The following ADAMTSL1 variants were observed in gnomAD, a reference collection of about 807,000 sequenced individuals.
ADAMTSL1 encodes the protein ADAMTS-like protein 1.
In ADAMTSL1, 126 loss-of-function variants were observed where a neutral mutation model predicts 201.8. The ratio of observed to expected loss-of-function variants is 0.62; its 90% confidence interval spans 0.54 to 0.72. The LOEUF (loss-of-function observed/expected upper bound fraction) is 0.72, where lower values mean the gene tolerates loss of function less well. Among genes scored for constraint, ADAMTSL1 ranks in the 30% least tolerant of loss-of-function variants. The probability of loss-of-function intolerance (pLI) is 0.00; values close to 1 mark genes in which losing one functional copy is unlikely to be tolerated. For synonymous variants in ADAMTSL1, 1,121 were observed against 903.4 expected, an observed-to-expected ratio of 1.24 and a Z score of -4.32; for missense variants, 2,679 against 2,277.8, an observed-to-expected ratio of 1.18 and a Z score of -3.59.
At chr9:18,427,929 C>T (rs1344521393) in intron 2 of ADAMTSL1, among the ~76,000 whole-genome samples, 2 of 152,218 alleles carry the variant, frequency 1.3e-5, no homozygotes, top group Non-Finnish European at 2.9e-5. Flanking sequence ...TAAAATGCCT[C>T]TTCCTTCTTC....
chr9:18,492,273 T>C (rs1477001646), intron 1 of ADAMTSL1, among the ~76,000 whole-genome samples: 1 of 152,148 alleles, frequency 6.6e-6, no homozygotes, highest in Non-Finnish European at 1.5e-5. Flanking sequence ...TAAGTCAATA[T>C]AGAAACTGAA....
chr9:18,184,474 TA>T (rs1248704837), intron 2 of ADAMTSL1, among the ~76,000 whole-genome samples: 5 of 152,216 alleles, frequency 3.3e-5, no homozygotes, highest in African/African-American at 9.6e-5. Context: ...GTTAAATACC[TA>T]AGAGGATATG....
chr9:18,783,901 C>T (rs1286853923), intron 19 of ADAMTSL1, among the ~76,000 whole-genome samples: 1 of 152,236 alleles, frequency 6.6e-6, no homozygotes, highest in African/African-American at 2.4e-5. Flanking sequence ...CACCATGCTA[C>T]TGCCAGAGCA....
At chr9:18,633,839 A>C (rs1306129565) in intron 5 of ADAMTSL1, among the ~76,000 whole-genome samples, 1 of 152,038 alleles carries the variant, frequency 6.6e-6, no homozygotes, top group Admixed American at 6.6e-5. Flanking sequence ...AGGAATTGGG[A>C]GCATATGATT....
intron 1 of ADAMTSL1, among the ~76,000 whole-genome samples, chr9:17,940,074 G>A (rs1409130550): frequency 6.6e-6 from 1 of 152,040 alleles, no homozygotes; most frequent in Non-Finnish European, 1.5e-5. Context: ...AGAATGTAGG[G>A]TATGGTAGGA....
At chr9:17,953,890 C>T (rs974336043) in intron 1 of ADAMTSL1, among the ~76,000 whole-genome samples, 3 of 152,154 alleles carry the variant, frequency 2.0e-5, no homozygotes, top group African/African-American at 7.2e-5. Context: ...CATGACTGGG[C>T]TCTCAGATGA....
chr9:18,559,574 A>G (rs2132270622), intron 3 of ADAMTSL1, among the ~76,000 whole-genome samples: 1 of 152,340 alleles, frequency 6.6e-6, no homozygotes, highest in East Asian at 1.9e-4. Context: ...TGGCGATAGC[A>G]TTGAATCTAT....
intron 2 of ADAMTSL1, among the ~76,000 whole-genome samples, chr9:18,169,139 A>T (rs1827771725): frequency 6.8e-6 from 1 of 147,864 alleles, no homozygotes; most frequent in South Asian, 2.2e-4. Context: ...ATGAGATCCC[A>T]TTTGTCAATT....
chr9:18,670,783 A>C (rs551781632), intron 9 of ADAMTSL1, among the ~76,000 whole-genome samples: 1 of 152,336 alleles, frequency 6.6e-6, no homozygotes, highest in Admixed American at 6.5e-5. Flanking sequence ...TCATGGTGAT[A>C]AACTAAAGAA....
intron 15 of ADAMTSL1, among the ~76,000 whole-genome samples, chr9:18,735,957 T>C (rs982499619): frequency 2.0e-5 from 3 of 151,844 alleles, no homozygotes; most frequent in African/African-American, 7.3e-5. Context: ...TACCATACTT[T>C]TCCTGCCTCA....
chr9:18,584,675 C>T lies in ADAMTSL1; in HGVS notation c.474+10409C>T, dbSNP rs12684149. 7.0e-3 allele frequency among the ~76,000 whole-genome samples: 1,071 copies of T among 152,248 alleles called. 22 individuals carry two copies. The East Asian group carries it at 0.086, about 12-fold the overall frequency. On this transcript the variant is annotated intron_variant, in intron 4 of 28. Transcript: ENST00000380548. ...ACCAGATTTAGGGATGCCTAGATAG[C>T]TGCTGAAGCATTGTTACCAGGTGTG...
At chr9:18,279,954 G>A (rs969391949) in intron 2 of ADAMTSL1, among the ~76,000 whole-genome samples, 1 of 152,052 alleles carries the variant, frequency 6.6e-6, no homozygotes, top group Non-Finnish European at 1.5e-5. Flanking sequence ...CCACGTGCTT[G>A]CCTAGAGCCT....
At chr9:18,439,742 CCTGGCTCTTGAATGCTTT>C (rs1204279647) in intron 2 of ADAMTSL1, among the ~76,000 whole-genome samples, 1 of 152,172 alleles carries the variant, frequency 6.6e-6, no homozygotes, top group Non-Finnish European at 1.5e-5. Flanking sequence ...TAATGTAGTG[CCTGGCTCTTGAATGCTTT>C]ATCAGTACTT....
chr9:17,948,484 G>A (rs1194191844), intron 1 of ADAMTSL1, among the ~76,000 whole-genome samples: 1 of 152,060 alleles, frequency 6.6e-6, no homozygotes, highest in Non-Finnish European at 1.5e-5. Flanking sequence ...TGAAGCCACT[G>A]GTATTAAAAT....
intron 1 of ADAMTSL1, among the ~76,000 whole-genome samples, chr9:18,001,612 C>T (rs1222495466): frequency 1.3e-5 from 2 of 151,970 alleles, no homozygotes; most frequent in African/African-American, 2.4e-5. Context: ...AAGAAATTGT[C>T]TGTGTTAGGG....
chr9:18,124,103 GATGGAGTTTTTGCTCTGTCTCCAGT>G (rs1825631123), intron 1 of ADAMTSL1, among the ~76,000 whole-genome samples: 8 of 50,876 alleles, frequency 1.6e-4, no homozygotes, highest in African/African-American at 5.7e-4. Flanking sequence ...TTTTTTTTGA[GATGGAGTTTTTGCTCTGTCTCCAGT>G]ATGGAGTGCA....
chr9:18,718,570 G>A (rs10811022), intron 14 of ADAMTSL1: 55,509 of 446,244 alleles, frequency 0.12, 4,914 homozygotes, highest in East Asian at 0.3. Flanking sequence ...CGCTGTCACC[G>A]GGTTCCCGCA....
At chr9:18,429,521 C>G (rs1587177922) in intron 2 of ADAMTSL1, among the ~76,000 whole-genome samples, 1 of 152,044 alleles carries the variant, frequency 6.6e-6, no homozygotes. Flanking sequence ...TATTGCTTCT[C>G]CAGTTGCTAA....
intron 2 of ADAMTSL1, among the ~76,000 whole-genome samples, chr9:18,176,906 T>C (rs968911806): frequency 6.6e-6 from 1 of 152,200 alleles, no homozygotes; most frequent in Non-Finnish European, 1.5e-5. Flanking sequence ...CAGCGCTTGA[T>C]TTTATTAAAG....
Sources: allele counts gnomAD v4.1 joint callset (sites outside exome capture counted in the v4.1 genomes callset), GRCh38; gene constraint gnomAD v4.1.1; transcripts MANE v1.5; gene names NCBI Gene and HGNC (gene_info 2026-07-23, HGNC 2026-07-21).